TM4SF5: variants seen among roughly 807,000 people sequenced by gnomAD.
The protein encoded by TM4SF5 is transmembrane 4 L6 family member 5.
In TM4SF5, 16 loss-of-function variants were observed where a neutral mutation model predicts 22.3. That is an observed-to-expected ratio of 0.72 (90% CI 0.49 to 1.09). The LOEUF is 1.09. Among genes scored for constraint, TM4SF5 ranks in the 50% least tolerant of loss-of-function variants. The pLI, the probability that TM4SF5 is intolerant of heterozygous loss-of-function variation, is 0.00. For missense variants in TM4SF5, 249 were observed against 266.1 expected (o/e 0.94, Z 0.45); for synonymous variants, 113 against 109.6 (o/e 1.03, Z -0.19).
Position 4,782,998 on chromosome 17 carries a change from G to C in TM4SF5, c.540G>C (p.Ala180=), listed in dbSNP as rs1382446049. 6.2e-7 allele frequency: 1 copy of C among 1,614,088 alleles called. No individual in the cohort carries two copies. Among genetic ancestry groups the C allele is most frequent in the African/African-American group, 1.3e-5 (1 of 74,934 alleles). The change falls in exon 4 of 5, where the codon GCG becomes GCC. Residue 180 remains alanine, a synonymous_variant. Transcript: ENST00000270560. The part of the protein sequence containing the change: ...IVLCGIQLVN[A]TIGVFCGDCR... ...TGTGTGGGATCCAGCTGGTGAACGC[G>C]ACCATTGGTGTCTTCTGCGGCGATT...
At chr17:4,772,712 T>C (rs1917136112) in intron 1 of TM4SF5, among the ~76,000 whole-genome samples, 1 of 140,668 alleles carries the variant, frequency 7.1e-6, no homozygotes, top group Non-Finnish European at 1.5e-5. Context: ...TTTGTGTTTG[T>C]TTTTTGTTTT....
At chr17:4,776,501 G>A (rs901322811) in intron 1 of TM4SF5, among the ~76,000 whole-genome samples, 2 of 151,618 alleles carry the variant, frequency 1.3e-5, no homozygotes, top group South Asian at 4.2e-4. Flanking sequence ...GGGGTTTCGC[G>A]ATATTGGTCA....
intron 1 of TM4SF5, among the ~76,000 whole-genome samples, chr17:4,778,627 C>A (rs547647389): frequency 2.0e-5 from 3 of 151,994 alleles, no homozygotes; most frequent in African/African-American, 7.2e-5. Flanking sequence ...CACACACACA[C>A]ACGAAAGCAA....
intron 1 of TM4SF5, among the ~76,000 whole-genome samples, chr17:4,776,267 A>C (rs1220831910): frequency 1.3e-5 from 2 of 149,758 alleles, no homozygotes; most frequent in Admixed American, 1.3e-4. Context: ...TCATTTATAC[A>C]TTCTACTGTT....
intron 1 of TM4SF5, among the ~76,000 whole-genome samples, chr17:4,776,189 C>G (rs1032532003): frequency 1.5e-4 from 23 of 152,096 alleles, no homozygotes; most frequent in Non-Finnish European, 3.1e-4. Context: ...TTTGTGAGAG[C>G]CACCCATATT....
At chr17:4,775,453 A>T (rs1870603248) in intron 1 of TM4SF5, among the ~76,000 whole-genome samples, 1 of 150,478 alleles carries the variant, frequency 6.6e-6, no homozygotes, top group South Asian at 2.1e-4. Context: ...TTTAGTAGAG[A>T]TGGGGTTTCA....
intron 2 of TM4SF5, among the ~76,000 whole-genome samples, chr17:4,782,091 AT>A (rs376659055): frequency 0.13 from 18,988 of 141,654 alleles, 1,758 homozygotes; most frequent in East Asian, 0.39. Context: ...CGAATTTCTA[AT>A]TTTTTTTTTT....
intron 2 of TM4SF5, 81 bp from the exon 3 acceptor site, chr17:4,782,422 A>G (rs1487834864): frequency 2.6e-6 from 4 of 1,538,650 alleles, no homozygotes; most frequent in Non-Finnish European, 3.6e-6. Flanking sequence ...AGATTTCGAT[A>G]ATGCGTGGGG....
chr17:4,774,561 T>G lies in TM4SF5; in HGVS notation c.177+2462T>G, dbSNP rs545833923. Among the ~76,000 whole-genome samples, 11 of 149,524 alleles carry G rather than the reference T, an allele frequency of 7.4e-5. No homozygotes were observed. The South Asian group carries it at 2.3e-3, about 32-fold the overall frequency. On this transcript the variant is annotated intron_variant, in intron 1 of 4. Transcript: ENST00000270560. ...GACCTTGTCTCAAGAAAATAAAAAA[T>G]AAAAAAGTCATTGAATGAAGTATAG...
At chr17:4,772,151 G>A (rs1420480652) in intron 1 of TM4SF5, 52 bp downstream of exon 1, 1 of 1,607,426 alleles carries the variant, frequency 6.2e-7, no homozygotes, top group Non-Finnish European at 8.5e-7. Flanking sequence ...GCCACCTAAG[G>A]GGTTCTGAAC....
intron 1 of TM4SF5, among the ~76,000 whole-genome samples, chr17:4,776,925 C>T (rs1453129008): frequency 2.6e-5 from 4 of 152,024 alleles, no homozygotes; most frequent in African/African-American, 4.8e-5. Context: ...CTGAGCTGGG[C>T]GTGGGGCCTC....
intron 1 of TM4SF5, among the ~76,000 whole-genome samples, chr17:4,773,097 G>T (rs1212038090): frequency 6.6e-6 from 1 of 152,014 alleles, no homozygotes; most frequent in African/African-American, 2.4e-5. Context: ...TAGAGACAGG[G>T]TTTCGCCACG....
At chr17:4,772,233 A>C (rs1204778570) in intron 1 of TM4SF5, 134 bp downstream of exon 1, 1 of 1,096,018 alleles carries the variant, frequency 9.1e-7, no homozygotes, top group Non-Finnish European at 1.3e-6. Flanking sequence ...GGGGGCTAGC[A>C]GCCCTCTGGA....
rs1374702339 is a variant in TM4SF5 at position 4,782,628 on chromosome 17, C to A, written c.384C>A (p.Phe128Leu). 1 of 1,614,186 alleles carries A rather than the reference C, an allele frequency of 6.2e-7. No individual in the cohort carries two copies. The highest frequency in any genetic ancestry group is 1.3e-5 in the African/African-American group (1 of 75,048). ...CLMNGEWGYH[F>L]EDTAGAYLLN... Reference sequence around the variant, plus strand: ...TGAACGGCGAGTGGGGCTACCACTTCGAAGACACCGCGTAAGGTTTAGCCT... The same window carrying A: ...TGAACGGCGAGTGGGGCTACCACTTAGAAGACACCGCGTAAGGTTTAGCCT... Residue 128 changes from phenylalanine to leucine, a missense_variant, in exon 3 of 5, where the codon TTC (phenylalanine) becomes TTA (leucine). Transcript: ENST00000270560.
intron 1 of TM4SF5, among the ~76,000 whole-genome samples, chr17:4,773,022 A>G (rs1391937529): frequency 6.6e-6 from 1 of 152,072 alleles, no homozygotes; most frequent in Non-Finnish European, 1.5e-5. Context: ...CTCCTGCCTC[A>G]GCCTCCTGAG....
intron 1 of TM4SF5, among the ~76,000 whole-genome samples, chr17:4,774,343 G>C (rs1306536867): frequency 6.6e-6 from 1 of 152,134 alleles, no homozygotes; most frequent in African/African-American, 2.4e-5. Context: ...GAAGTCCCAC[G>C]AGAGCAAGCA....
intron 1 of TM4SF5, among the ~76,000 whole-genome samples, chr17:4,778,696 G>A (rs1917248060): frequency 6.6e-6 from 1 of 152,120 alleles, no homozygotes; most frequent in Non-Finnish European, 1.5e-5. Flanking sequence ...CTGACCTGGT[G>A]CAACGAAGAT....
In TM4SF5 at chr17:4,776,069, G is replaced by A. The variant is rs975805381; in HGVS notation, c.177+3970G>A. On this transcript the variant is annotated intron_variant, in intron 1 of 4. Transcript: ENST00000270560. ...TCGCCATGTTGGTCAGGCTGGTCTC[G>A]CACTCCCGACCTCAGGTGATCCACC... Among the ~76,000 whole-genome samples the A allele has an allele frequency of 6.6e-5, 10 of 151,364 alleles. No homozygotes were observed. The South Asian group carries it at 1.3e-3, about 19-fold the overall frequency.
intron 1 of TM4SF5, among the ~76,000 whole-genome samples, chr17:4,777,019 G>A (rs778086526): frequency 2.0e-4 from 30 of 151,992 alleles, no homozygotes; most frequent in Non-Finnish European, 1.5e-4. Context: ...CCAACATGGC[G>A]AAACCCCGTC....
Sources: gnomAD v4.1 joint callset for allele counts (sites outside exome capture counted in the v4.1 genomes callset) on GRCh38, gnomAD v4.1.1 for gene constraint, MANE v1.5 for transcripts, NCBI Gene and HGNC (gene_info 2026-07-23, HGNC 2026-07-21) for gene names.